The following CNTNAP5 variants were observed in gnomAD, a reference collection of about 807,000 sequenced individuals.
CNTNAP5 encodes contactin associated protein family member 5.
CNTNAP5 carries 72 observed loss-of-function variants against 150.2 expected under a neutral mutation model. The observed-to-expected ratio is 0.48, with a 90% CI of 0.40 to 0.58. CNTNAP5 has a LOEUF of 0.58. Among genes scored for constraint, CNTNAP5 ranks in the 20% least tolerant of loss-of-function variants. The probability of loss-of-function intolerance (pLI) is 0.00; values close to 1 mark genes in which losing one functional copy is unlikely to be tolerated. For synonymous variants in CNTNAP5, 672 were observed against 619.8 expected, an observed-to-expected ratio of 1.08 and a Z score of -1.25; for missense variants, 1,636 against 1,626.2, an observed-to-expected ratio of 1.01 and a Z score of -0.10.
intron 11 of CNTNAP5, among the ~76,000 whole-genome samples, chr2:124,584,527 T>C (rs1696486628): frequency 6.6e-6 from 1 of 152,186 alleles, no homozygotes; most frequent in African/African-American, 2.4e-5. Context: ...TCAAACCTCA[T>C]GTGAACTGCA....
At chr2:124,477,940 A>G (rs1693680884) in intron 7 of CNTNAP5, among the ~76,000 whole-genome samples, 2 of 152,090 alleles carry the variant, frequency 1.3e-5, no homozygotes, top group Admixed American at 6.6e-5. Context: ...GTAAGCTTAT[A>G]AAAACATTGC....
chr2:124,807,058 T>C (rs1682096748), intron 19 of CNTNAP5, among the ~76,000 whole-genome samples: 1 of 152,088 alleles, frequency 6.6e-6, no homozygotes, highest in Non-Finnish European at 1.5e-5. Flanking sequence ...AAAAGACATG[T>C]TTTTATTCTT....
rs544495176 is a variant in CNTNAP5, at chr2:124,903,014, C to A, written c.3569C>A (p.Thr1190Asn). The change falls in exon 22 of 24, where the codon ACT becomes AAT. Residue 1190 changes from threonine (T) to asparagine (N), a missense_variant. Thr to Asn is a moderately conservative substitution (Grantham distance 65). Coordinates refer to ENST00000682447, the MANE Select transcript of CNTNAP5 (RefSeq NM_001367498.1). ...ALRHATVAPVTVHGTLTESSC... is the reference protein window; with the variant it reads ...ALRHATVAPVNVHGTLTESSC... ...CGCCATGCCACTGTCGCGCCTGTGA[C>A]TGTCCATGGGACCTTGACGGAATCC... 1 of 1,611,426 alleles carries A rather than the reference C, an allele frequency of 6.2e-7. No homozygotes were observed. Among genetic ancestry groups the A allele is most frequent in the South Asian group, 1.1e-5 (1 of 90,570 alleles).
At chr2:124,597,541 G>C in intron 11 of CNTNAP5, among the ~76,000 whole-genome samples, 1 of 150,708 alleles carries the variant, frequency 6.6e-6, no homozygotes, top group Non-Finnish European at 1.5e-5. Flanking sequence ...TCCCTTTGAG[G>C]GTAACCCGAA....
chr2:124,654,843 T>C (rs979106966), intron 13 of CNTNAP5, among the ~76,000 whole-genome samples: 1 of 152,012 alleles, frequency 6.6e-6, no homozygotes, highest in Non-Finnish European at 1.5e-5. Flanking sequence ...GTGTCTACCG[T>C]TCTTCCACAC....
At chr2:124,652,906 T>A (rs1678352721) in intron 13 of CNTNAP5, among the ~76,000 whole-genome samples, 1 of 152,228 alleles carries the variant, frequency 6.6e-6, no homozygotes, top group Non-Finnish European at 1.5e-5. Flanking sequence ...GAAGTCAATA[T>A]TGAAACACGT....
In CNTNAP5 at chr2:124,271,083, G is replaced by A. The variant is rs1461120459; in HGVS notation, c.381+28690G>A. Among the ~76,000 whole-genome samples, 4 of 152,012 alleles carry A rather than the reference G, an allele frequency of 2.6e-5. No homozygotes were observed. The South Asian group carries it at 6.2e-4, about 24-fold the overall frequency. On this transcript the variant is annotated intron_variant, in intron 3 of 23. Coordinates refer to ENST00000682447, the MANE Select transcript of CNTNAP5 (RefSeq NM_001367498.1). ...CTGTGGTCGTGAGCAATCTCCTACT[G>A]TGCTATACCTATATAATCAATGAAT... is the stretch of plus-strand genomic sequence containing the variant.
At chr2:124,485,631 A>AAAAAAGAAGAAG (rs1457112306) in intron 7 of CNTNAP5, among the ~76,000 whole-genome samples, 11 of 134,238 alleles carry the variant, frequency 8.2e-5, no homozygotes, top group African/African-American at 2.8e-4. Context: ...AAAAAAAAAA[A>AAAAAAGAAGAAG]AAAGAAGAAG....
chr2:124,908,138 C>T (rs1275228374), intron 22 of CNTNAP5, among the ~76,000 whole-genome samples: 3 of 151,842 alleles, frequency 2.0e-5, no homozygotes, highest in African/African-American at 4.8e-5. Context: ...TTTGGGAGGC[C>T]AAGGAGGGCA....
intron 17 of CNTNAP5, among the ~76,000 whole-genome samples, chr2:124,775,280 T>C (rs1035844508): frequency 3.9e-5 from 6 of 152,198 alleles, no homozygotes; most frequent in African/African-American, 1.4e-4. Context: ...TAAATAAGCA[T>C]TTTGGTGCTT....
chr2:124,725,722 C>T (rs1194326590), intron 13 of CNTNAP5, among the ~76,000 whole-genome samples: 2 of 151,920 alleles, frequency 1.3e-5, no homozygotes, highest in Non-Finnish European at 2.9e-5. Flanking sequence ...CTCTACTTTC[C>T]CTACTCCCCA....
intron 1 of CNTNAP5, among the ~76,000 whole-genome samples, chr2:124,148,582 C>T (rs1039277599): frequency 6.8e-6 from 1 of 146,116 alleles, no homozygotes; most frequent in African/African-American, 2.5e-5. Context: ...ATGTTAGGGC[C>T]TATTCAGTAC....
intron 12 of CNTNAP5, among the ~76,000 whole-genome samples, chr2:124,627,089 T>G (rs541105993): frequency 6.6e-6 from 1 of 152,278 alleles, no homozygotes; most frequent in African/African-American, 2.4e-5. Flanking sequence ...CTCACCTCCC[T>G]GAGACCCAGC....
chr2:124,798,354 C>T (rs1303105392), intron 19 of CNTNAP5, 34 bp downstream of exon 19: 1 of 1,504,136 alleles, frequency 6.6e-7, no homozygotes, highest in East Asian at 2.3e-5. Context: ...AGCGGAGTCT[C>T]AGCCTGGGCT....
chr2:124,419,954 TTCC>T (rs1558894040), intron 4 of CNTNAP5, among the ~76,000 whole-genome samples: 1 of 103,272 alleles, frequency 9.7e-6, no homozygotes, highest in African/African-American at 4.1e-5. Context: ...CTTTCTTTCT[TTCC>T]TTTTCTCTCT....
At chr2:124,075,159 C>T (rs1046350837) in intron 1 of CNTNAP5, among the ~76,000 whole-genome samples, 2 of 152,150 alleles carry the variant, frequency 1.3e-5, no homozygotes, top group African/African-American at 2.4e-5. Flanking sequence ...ATATTAGAAA[C>T]ACTGATAACT....
chr2:124,590,039 T>C (rs184961248), intron 11 of CNTNAP5, among the ~76,000 whole-genome samples: 1 of 152,200 alleles, frequency 6.6e-6, no homozygotes, highest in African/African-American at 2.4e-5. Context: ...ATGTTTCTCA[T>C]CAAAGGATGA....
intron 19 of CNTNAP5, among the ~76,000 whole-genome samples, chr2:124,847,432 G>A (rs1387903215): frequency 6.6e-6 from 1 of 152,120 alleles, no homozygotes; most frequent in Non-Finnish European, 1.5e-5. Context: ...CTCCCATGTA[G>A]TCCATAGTCC....
chr2:124,867,143 C>G (rs1056173988), intron 20 of CNTNAP5, among the ~76,000 whole-genome samples: 2 of 152,068 alleles, frequency 1.3e-5, no homozygotes, highest in Non-Finnish European at 2.9e-5. Flanking sequence ...TATTCCAGCT[C>G]TACTGAATGG....
Sources: gnomAD v4.1 joint callset for allele counts (sites outside exome capture counted in the v4.1 genomes callset) on GRCh38, gnomAD v4.1.1 for gene constraint, MANE v1.5 for transcripts, NCBI Gene and HGNC (gene_info 2026-07-23, HGNC 2026-07-21) for gene names.